CPVL: variants seen among roughly 807,000 people sequenced by gnomAD.
CPVL encodes probable serine carboxypeptidase CPVL.
A neutral mutation model predicts 63.7 loss-of-function variants in CPVL; 51 were observed. The ratio of observed to expected loss-of-function variants is 0.80; its 90% CI spans 0.64 to 1.01. The LOEUF (loss-of-function observed/expected upper bound fraction) is 1.01, where lower values mean the gene tolerates loss of function less well. Among genes scored for constraint, CPVL ranks in the 50% least tolerant of loss-of-function variants. CPVL has a pLI of 0.00. For missense variants in CPVL, 530 were observed against 573.1 expected (o/e 0.92, Z 0.77); for synonymous variants, 195 against 206.0 (o/e 0.95, Z 0.46).
chr7:29,027,587 C>G (rs1376098110), intron 12 of CPVL, among the ~76,000 whole-genome samples: 1 of 152,112 alleles, frequency 6.6e-6, no homozygotes, highest in Non-Finnish European at 1.5e-5. Context: ...AAACTAAAGA[C>G]TCCACCAAAA....
intron 11 of CPVL, among the ~76,000 whole-genome samples, chr7:29,056,711 G>A (rs959044934): frequency 1.3e-5 from 2 of 152,174 alleles, no homozygotes; most frequent in African/African-American, 4.8e-5. Context: ...AATGACTGCT[G>A]AATGGTATGG....
chr7:29,059,864 T>C (rs1017614994), intron 11 of CPVL, among the ~76,000 whole-genome samples: 1 of 152,188 alleles, frequency 6.6e-6, no homozygotes, highest in East Asian at 1.9e-4. Flanking sequence ...GGTTTGCTCC[T>C]GTTAAGTTTT....
chr7:29,106,746 C>T (rs748599919), intron 3 of CPVL, among the ~76,000 whole-genome samples: 1 of 152,144 alleles, frequency 6.6e-6, no homozygotes, highest in Non-Finnish European at 1.5e-5. Flanking sequence ...TTCCCCCAGG[C>T]AGGGAGTATA....
intron 1 of CPVL, among the ~76,000 whole-genome samples, chr7:29,124,591 A>C (rs935780468): frequency 1.3e-5 from 2 of 152,176 alleles, no homozygotes; most frequent in Non-Finnish European, 2.9e-5. Context: ...TAGAATAATA[A>C]AAATTGTCAA....
intron 12 of CPVL, among the ~76,000 whole-genome samples, chr7:29,022,228 A>G (rs762503830): frequency 2.0e-5 from 3 of 152,034 alleles, no homozygotes; most frequent in African/African-American, 4.8e-5. Flanking sequence ...GACACCATCC[A>G]AGGTCCTGGA....
chr7:29,091,080 C>T (rs1222128773), intron 6 of CPVL, among the ~76,000 whole-genome samples: 1 of 152,178 alleles, frequency 6.6e-6, no homozygotes, highest in Non-Finnish European at 1.5e-5. Flanking sequence ...TCTGCACCAC[C>T]CTTGATTAGC....
upstream of CPVL, among the ~76,000 whole-genome samples, chr7:29,149,444 T>C (rs1002985624): frequency 6.6e-6 from 1 of 152,122 alleles, no homozygotes; most frequent in Admixed American, 6.5e-5. Context: ...TCCACCTGCC[T>C]TGGCCTCCCA....
At chr7:29,171,320 G>T (rs917067548) in intron 5 of CPVL, among the ~76,000 whole-genome samples, 1 of 152,132 alleles carries the variant, frequency 6.6e-6, no homozygotes, top group Non-Finnish European at 1.5e-5. Flanking sequence ...CTATAAAGAA[G>T]AACAACCTGT....
chr7:29,114,247 A>G (rs1788541764), intron 2 of CPVL, among the ~76,000 whole-genome samples: 1 of 152,162 alleles, frequency 6.6e-6, no homozygotes, highest in South Asian at 2.1e-4. Flanking sequence ...CCTATTTTAC[A>G]AGGCCAGAAT....
intron 5 of CPVL, among the ~76,000 whole-genome samples, chr7:29,094,274 G>A (rs1451885359): frequency 6.6e-6 from 1 of 152,026 alleles, no homozygotes; most frequent in Non-Finnish European, 1.5e-5. Flanking sequence ...CTGGGAAGTG[G>A]AGGTTGCAGT....
At chr7:29,087,774 C>A (rs1217991429) in intron 6 of CPVL, among the ~76,000 whole-genome samples, 3 of 152,156 alleles carry the variant, frequency 2.0e-5, no homozygotes, top group Admixed American at 6.5e-5. Flanking sequence ...AAAATTGGGT[C>A]ATTACAATCA....
At chr7:29,097,469 T>C (rs1319483661) in intron 3 of CPVL, among the ~76,000 whole-genome samples, 2 of 151,978 alleles carry the variant, frequency 1.3e-5, no homozygotes, top group Admixed American at 6.5e-5. Flanking sequence ...CCAAGGCGGG[T>C]GGATCACCTT....
intron 7 of CPVL, among the ~76,000 whole-genome samples, chr7:29,072,917 T>C (rs1783889473): frequency 6.6e-6 from 1 of 152,164 alleles, no homozygotes. Flanking sequence ...CTTGAACTCA[T>C]CTCTATTTCC....
chr7:29,169,495 T>C (rs1796326409), intron 5 of CPVL, among the ~76,000 whole-genome samples: 2 of 152,244 alleles, frequency 1.3e-5, no homozygotes, highest in South Asian at 4.1e-4. Flanking sequence ...TAAAAATAAA[T>C]ACAACTGTTT....
chr7:29,067,135 A>G lies in CPVL; in HGVS notation c.865-1014T>C, dbSNP rs140047056. On this transcript the variant is annotated intron_variant, in intron 9 of 12. Transcript: ENST00000265394. ...TTGGAGAAAGATGTTTGAATGTGTGATTGTGGATCAGCTGCCAGCATTTTA... is the reference window on the plus strand; with the variant it reads ...TTGGAGAAAGATGTTTGAATGTGTGGTTGTGGATCAGCTGCCAGCATTTTA... 3.1e-3 allele frequency among the ~76,000 whole-genome samples: 476 copies of G among 152,238 alleles called. 2 individuals are homozygous for G. Among genetic ancestry groups the G allele is most frequent in the African/African-American group, 0.011 (446 of 41,532 alleles).
At chr7:29,135,798 A>T (rs1791155032) in intron 1 of CPVL, among the ~76,000 whole-genome samples, 1 of 152,188 alleles carries the variant, frequency 6.6e-6, no homozygotes, top group Non-Finnish European at 1.5e-5. Flanking sequence ...TTGCAGGCTC[A>T]AGCAATCATC....
chr7:29,030,463 C>T (rs1369273380), intron 12 of CPVL, 114 bp downstream of exon 12: 2 of 965,200 alleles, frequency 2.1e-6, no homozygotes, highest in Non-Finnish European at 1.6e-6. Flanking sequence ...AAGACACACA[C>T]TGGCTGTTGT....
At chr7:29,121,828 GAAC>G (rs1021986950) in intron 1 of CPVL, among the ~76,000 whole-genome samples, 1 of 151,916 alleles carries the variant, frequency 6.6e-6, no homozygotes, top group Non-Finnish European at 1.5e-5. Flanking sequence ...TTGTATCAAA[GAAC>G]AACAACAACA....
At chr7:29,022,484 C>A (rs1050147150) in intron 12 of CPVL, among the ~76,000 whole-genome samples, 1 of 152,188 alleles carries the variant, frequency 6.6e-6, no homozygotes, top group African/African-American at 2.4e-5. Flanking sequence ...GCATCACCCA[C>A]ATATGCCATC....
Sources: allele counts gnomAD v4.1 joint callset (sites outside exome capture counted in the v4.1 genomes callset), GRCh38; gene constraint gnomAD v4.1.1; transcripts MANE v1.5; gene names NCBI Gene and HGNC (gene_info 2026-07-23, HGNC 2026-07-21).